Variants in MAMLD1 observed in about 807,000 individuals in gnomAD.
MAMLD1 encodes mastermind-like domain-containing protein 1.
In MAMLD1, 14 loss-of-function variants were observed where a neutral mutation model predicts 45.0. The observed-to-expected ratio is 0.31, with a 90% CI of 0.21 to 0.49. The LOEUF (loss-of-function observed/expected upper bound fraction) is 0.49, where lower values mean the gene tolerates loss of function less well. Ranked by LOEUF, MAMLD1 falls within the 20% of genes least tolerant of loss-of-function variation. The pLI is 0.99. For missense variants in MAMLD1, 543 were observed against 603.6 expected (o/e 0.90, Z 1.05); for synonymous variants, 254 against 247.8 (o/e 1.02, Z -0.24).
intron 1 of MAMLD1, among the ~76,000 whole-genome samples, chrX:150,430,177 G>T (rs1216118300): frequency 9.2e-6 from 1 of 108,136 alleles, no homozygotes; most frequent in Non-Finnish European, 1.9e-5. Flanking sequence ...CACCACACCT[G>T]GCTAATTTTT....
chrX:150,417,017 T>C (rs781860815), intron 1 of MAMLD1, among the ~76,000 whole-genome samples: 13 of 111,756 alleles, frequency 1.2e-4, no homozygotes, highest in East Asian at 2.8e-4. Context: ...TTCTTTCTTT[T>C]TTTTTATTAT....
chrX:150,411,549 C>T (rs1474232239), intron 1 of MAMLD1, among the ~76,000 whole-genome samples: 3 of 112,347 alleles, frequency 2.7e-5, no homozygotes, highest in Admixed American at 1.9e-4. Flanking sequence ...CTTTGGTATG[C>T]ACAATGCCTC....
At chrX:150,392,822 C>A (rs1306298726) in intron 1 of MAMLD1, among the ~76,000 whole-genome samples, 4 of 109,858 alleles carry the variant, frequency 3.6e-5, no homozygotes, top group Non-Finnish European at 5.7e-5. Context: ...AATATTACAG[C>A]AAAATTAAAA....
chrX:150,409,767 C>A (rs990398303), intron 1 of MAMLD1, among the ~76,000 whole-genome samples: 1 of 112,174 alleles, frequency 8.9e-6, no homozygotes, highest in Non-Finnish European at 1.9e-5. Flanking sequence ...CTCTCAGAAG[C>A]AAACCAAACA....
At chrX:150,398,750 T>C (rs782631076) in intron 1 of MAMLD1, among the ~76,000 whole-genome samples, 3 of 111,832 alleles carry the variant, frequency 2.7e-5, no homozygotes, top group Non-Finnish European at 5.7e-5. Flanking sequence ...TCCTATGACA[T>C]AGAAGGTACA....
chrX:150,481,228 A>G (rs1057502597), intron 5 of MAMLD1, among the ~76,000 whole-genome samples: 1 of 113,140 alleles, frequency 8.8e-6, no homozygotes, highest in African/African-American at 3.2e-5. Context: ...TTTATCTGGC[A>G]ATCCTTTCAA....
rs782356168 is a variant in MAMLD1 at position 150,469,945 on chromosome X, G to A, written c.372G>A (p.Val124=). The change falls in exon 4 of 8, where the codon GTG becomes GTA. Residue 124 remains valine, a synonymous_variant. Coordinates refer to ENST00000370401, the MANE Select transcript of MAMLD1 (RefSeq NM_005491.5). ...TINPSPAAMG[V]AGQSLLLENN... ...ATCCTAGCCCTGCGGCTATGGGAGT[G>A]GCTGGCCAGTCATTACTGCTGGAGA... 7.4e-6 allele frequency: 9 copies of A among 1,211,837 alleles called. No homozygotes were observed. Among genetic ancestry groups the A allele is most frequent in the Non-Finnish European group, 8.9e-6 (8 of 895,536 alleles).
chrX:150,493,242 T>C (rs905249150), intron 5 of MAMLD1, among the ~76,000 whole-genome samples: 3 of 111,278 alleles, frequency 2.7e-5, no homozygotes, highest in Admixed American at 9.5e-5. Flanking sequence ...AGCTAGGTAC[T>C]TGCAGCCTTG....
At chrX:150,370,507 C>G (rs181512404) in intron 1 of MAMLD1, among the ~76,000 whole-genome samples, 2 of 111,644 alleles carry the variant, frequency 1.8e-5, no homozygotes, top group African/African-American at 6.5e-5. Context: ...AGGGGGTTGT[C>G]CATGGAGGTA....
At chrX:150,447,020 A>G (rs201190017) in intron 2 of MAMLD1, among the ~76,000 whole-genome samples, 3 of 112,516 alleles carry the variant, frequency 2.7e-5, no homozygotes, top group Non-Finnish European at 5.6e-5. Context: ...AAGTGTGGCC[A>G]GTAAGTAACT....
intron 1 of MAMLD1, among the ~76,000 whole-genome samples, chrX:150,411,024 A>G (rs2034110745): frequency 9.2e-6 from 1 of 109,217 alleles, no homozygotes; most frequent in South Asian, 3.8e-4. Flanking sequence ...GTTTTAGTGT[A>G]TTTTATGTAC....
intron 4 of MAMLD1, among the ~76,000 whole-genome samples, chrX:150,473,290 T>A (rs1461796497): frequency 8.9e-6 from 1 of 112,414 alleles, no homozygotes; most frequent in Non-Finnish European, 1.9e-5. Context: ...TCCATGACTG[T>A]CCTCAGTACT....
chrX:150,503,590 C>T, intron 6 of MAMLD1, 73 bp downstream of exon 6: 3 of 643,210 alleles, frequency 4.7e-6, no homozygotes, highest in Non-Finnish European at 7.5e-6. Flanking sequence ...AGCCTGCCCG[C>T]CTGCCTCACA....
At chrX:150,369,704 T>C (rs891417112) in intron 1 of MAMLD1, among the ~76,000 whole-genome samples, 23 of 112,250 alleles carry the variant, frequency 2.0e-4, no homozygotes, top group African/African-American at 7.4e-4. Context: ...AGGACTCATC[T>C]AATGTAGAGC....
At chrX:150,370,381 A>T (rs1476128398) in intron 1 of MAMLD1, among the ~76,000 whole-genome samples, 2 of 112,016 alleles carry the variant, frequency 1.8e-5, no homozygotes, top group Non-Finnish European at 3.8e-5. Context: ...ACCTGAAGAG[A>T]CTGTGTTGCA....
chrX:150,415,875 G>T (rs2034236526), intron 1 of MAMLD1, among the ~76,000 whole-genome samples: 1 of 112,467 alleles, frequency 8.9e-6, no homozygotes, highest in African/African-American at 3.2e-5. Context: ...AGGTGCTACA[G>T]ATTTCGATTT....
chrX:150,384,162 C>T lies in MAMLD1; in HGVS notation c.-64+20632C>T, dbSNP rs782538878. ...GGAATTTTTGCATCATATGGTAACT[C>T]TATGTTTAGCATTTTGAGGAACTGC... is the stretch of plus-strand genomic sequence containing the variant. On this transcript the variant is annotated intron_variant, in intron 1 of 7. Transcript: ENST00000370401. 3.6e-5 allele frequency among the ~76,000 whole-genome samples: 4 copies of T among 112,024 alleles called. No individual in the cohort carries two copies. In the Admixed American group the frequency reaches 3.8e-4, roughly 11 times the overall value.
At chrX:150,476,078 T>C (rs1557406854) in intron 5 of MAMLD1, among the ~76,000 whole-genome samples, 2 of 111,756 alleles carry the variant, frequency 1.8e-5, no homozygotes, top group Non-Finnish European at 1.9e-5. Context: ...AAAAGTAAAA[T>C]TGGCTTTCAG....
At chrX:150,466,547 A>T (rs1027867884) in intron 3 of MAMLD1, among the ~76,000 whole-genome samples, 1 of 112,144 alleles carries the variant, frequency 8.9e-6, no homozygotes, top group Non-Finnish European at 1.9e-5. Context: ...AGGCATCCTT[A>T]TGAAAGTCAG....
Sources: gnomAD v4.1 joint callset for allele counts (sites outside exome capture counted in the v4.1 genomes callset) on GRCh38, gnomAD v4.1.1 for gene constraint, MANE v1.5 for transcripts, NCBI Gene and HGNC (gene_info 2026-07-23, HGNC 2026-07-21) for gene names.